Variants in RANBP2 observed in about 807,000 individuals in gnomAD.
RANBP2 encodes E3 SUMO-protein ligase RanBP2.
A neutral mutation model predicts 303.6 loss-of-function variants in RANBP2; 57 were observed. The ratio of observed to expected loss-of-function variants is 0.19; its 90% CI spans 0.15 to 0.23. RANBP2 has a LOEUF of 0.23. Among genes scored for constraint, RANBP2 ranks in the 10% least tolerant of loss-of-function variants. RANBP2 has a pLI of 1.00. For missense variants in RANBP2, 3,138 were observed against 3,780.8 expected, an observed-to-expected ratio of 0.83 and a Z score of 4.46; for synonymous variants, 1,167 against 1,301.5, an observed-to-expected ratio of 0.90 and a Z score of 2.23.
the RANBP2 span, among the ~76,000 whole-genome samples, chr2:109,294,979 T>G: frequency 6.6e-6 from 1 of 152,236 alleles, no homozygotes; most frequent in Non-Finnish European, 1.5e-5. Flanking sequence ...CATTCAGGGC[T>G]CATGGTAGCC....
chr2:109,249,521 T>TTTCTTTCTTTCTTTCTTTC, the RANBP2 span, among the ~76,000 whole-genome samples: 1 of 93,660 alleles, frequency 1.1e-5, no homozygotes, highest in Non-Finnish European at 2.2e-5. Context: ...TTCTTTCTTT[T>TTTCTTTCTTTCTTTCTTTC]TCTTTCTTTC....
the RANBP2 span, chr2:109,543,876 A>G: frequency 2.1e-4 from 78 of 370,116 alleles, no homozygotes; most frequent in African/African-American, 1.6e-3. Flanking sequence ...ATCTGCATAT[A>G]CACAACGGGA....
chr2:108,916,931 G>A, the RANBP2 span, among the ~76,000 whole-genome samples: 1 of 152,174 alleles, frequency 6.6e-6, no homozygotes, highest in African/African-American at 2.4e-5. Context: ...AGGAGCAGGA[G>A]GACATGGGGA....
the RANBP2 span, among the ~76,000 whole-genome samples, chr2:109,607,603 A>T: frequency 1.3e-5 from 2 of 152,224 alleles, no homozygotes; most frequent in Non-Finnish European, 2.9e-5. Context: ...ACCTGGGCTA[A>T]TTTAATAAAA....
chr2:109,406,860 T>C, the RANBP2 span, among the ~76,000 whole-genome samples: 1 of 151,656 alleles, frequency 6.6e-6, no homozygotes, highest in Admixed American at 6.5e-5. Flanking sequence ...AAGCCAATCT[T>C]ACAGCCCCGC....
chr2:109,481,405 G>A, the RANBP2 span, among the ~76,000 whole-genome samples: 1 of 152,156 alleles, frequency 6.6e-6, no homozygotes, highest in South Asian at 2.1e-4. Context: ...CCTGCCCACA[G>A]GCCAGAGACT....
chr2:108,950,278 T>TC, the RANBP2 span, among the ~76,000 whole-genome samples: 2 of 150,732 alleles, frequency 1.3e-5, no homozygotes, highest in Non-Finnish European at 1.5e-5. Context: ...TTTCTTTCTT[T>TC]CTTTTTTTTC....
At chr2:109,563,347 TA>T in the RANBP2 span, among the ~76,000 whole-genome samples, 318 of 152,358 alleles carry the variant, frequency 2.1e-3, no homozygotes, top group African/African-American at 6.7e-3. Flanking sequence ...ACAGCGGCAC[TA>T]ATTTGATGCA....
the RANBP2 span, among the ~76,000 whole-genome samples, chr2:109,480,624 G>A: frequency 6.6e-6 from 1 of 152,180 alleles, no homozygotes; most frequent in African/African-American, 2.4e-5. Context: ...CTGCTGCCCT[G>A]TGGGAGGAGG....
chr2:108,866,984 G>A, the RANBP2 span, among the ~76,000 whole-genome samples: 15 of 151,936 alleles, frequency 9.9e-5, no homozygotes, highest in Non-Finnish European at 1.8e-4. Context: ...AAAGATACAT[G>A]TAAACAGATT....
chr2:108,911,112 G>C, the RANBP2 span: 1 of 1,613,408 alleles, frequency 6.2e-7, no homozygotes, highest in Non-Finnish European at 8.5e-7. Context: ...CAGAGCTCAG[G>C]ATCCCTGCTG....
the RANBP2 span, among the ~76,000 whole-genome samples, chr2:109,369,702 C>G: frequency 1.2e-4 from 18 of 152,312 alleles, no homozygotes; most frequent in African/African-American, 4.1e-4. Flanking sequence ...AGAGCCCAGC[C>G]TGCCCTCCTT....
the RANBP2 span, among the ~76,000 whole-genome samples, chr2:109,540,367 C>T: frequency 5.5e-4 from 84 of 151,502 alleles, no homozygotes; most frequent in Admixed American, 9.9e-4. Context: ...TTAAATCTCT[C>T]ACTAAGTGTG....
the RANBP2 span, among the ~76,000 whole-genome samples, chr2:109,090,598 A>AG: frequency 6.6e-6 from 1 of 152,054 alleles, no homozygotes; most frequent in Non-Finnish European, 1.5e-5. Context: ...ACAGGCACGA[A>AG]GGGGGCCTCA....
the RANBP2 span, among the ~76,000 whole-genome samples, chr2:108,950,172 T>G: frequency 6.6e-6 from 1 of 152,080 alleles, no homozygotes; most frequent in Non-Finnish European, 1.5e-5. Flanking sequence ...ATCTAAGATG[T>G]CATGTCTTTT....
the RANBP2 span, among the ~76,000 whole-genome samples, chr2:109,367,547 G>A: frequency 6.6e-6 from 1 of 151,886 alleles, no homozygotes; most frequent in Non-Finnish European, 1.5e-5. Context: ...CTCCCAAAGT[G>A]CTGGGATTAC....
At chr2:109,008,788 G>A in the RANBP2 span, among the ~76,000 whole-genome samples, 73 of 151,402 alleles carry the variant, frequency 4.8e-4, no homozygotes, top group African/African-American at 1.7e-3. Flanking sequence ...TGTAGTCCCA[G>A]CTACTCAAGA....
the RANBP2 span, among the ~76,000 whole-genome samples, chr2:109,063,805 A>C: frequency 3.5e-4 from 37 of 105,506 alleles, no homozygotes; most frequent in Admixed American, 1.5e-3. Flanking sequence ...TAATAGAAAA[A>C]AAAAAAACAA....
the RANBP2 span, among the ~76,000 whole-genome samples, chr2:108,799,342 T>C: frequency 6.6e-6 from 1 of 152,216 alleles, no homozygotes; most frequent in African/African-American, 2.4e-5. Context: ...AAATTCATTG[T>C]TGTACATTTC....
Sources: allele counts gnomAD v4.1 joint callset (sites outside exome capture counted in the v4.1 genomes callset), GRCh38; gene constraint gnomAD v4.1.1; transcripts MANE v1.5; gene names NCBI Gene and HGNC (gene_info 2026-07-23, HGNC 2026-07-21).